CSMD1: variants seen among roughly 807,000 people sequenced by gnomAD.
The protein encoded by CSMD1 is CUB and Sushi multiple domains 1.
CSMD1 carries 213 observed loss-of-function variants against 417.5 expected under a neutral mutation model. That is an observed-to-expected ratio of 0.51 (90% CI 0.46 to 0.57). The LOEUF (loss-of-function observed/expected upper bound fraction) is 0.57. CSMD1 is among the 20% of genes least tolerant of loss of function. The pLI is 0.00. For missense variants in CSMD1, 6,923 were observed against 4,529.7 expected, an observed-to-expected ratio of 1.53 and a Z score of -15.17; for synonymous variants, 2,862 against 1,736.8, an observed-to-expected ratio of 1.65 and a Z score of -16.11.
intron 3 of CSMD1, among the ~76,000 whole-genome samples, chr8:4,288,997 C>A (rs1371438889): frequency 6.6e-6 from 1 of 152,080 alleles, no homozygotes; most frequent in Non-Finnish European, 1.5e-5. Flanking sequence ...TTTAAAAACA[C>A]AGCACCATCT....
chr8:4,207,817 A>C (rs867586329), intron 3 of CSMD1, among the ~76,000 whole-genome samples: 1 of 152,290 alleles, frequency 6.6e-6, no homozygotes, highest in South Asian at 2.1e-4. Context: ...AATTATGTTG[A>C]AACAGATGCA....
chr8:4,028,988 T>A (rs1014676970), intron 4 of CSMD1, among the ~76,000 whole-genome samples: 2 of 152,194 alleles, frequency 1.3e-5, no homozygotes, highest in African/African-American at 4.8e-5. Flanking sequence ...GGAATTCTCA[T>A]CTTGCTCTGA....
At chr8:3,529,835 C>T (rs1363872755) in intron 10 of CSMD1, among the ~76,000 whole-genome samples, 4 of 152,096 alleles carry the variant, frequency 2.6e-5, no homozygotes, top group African/African-American at 9.7e-5. Flanking sequence ...ATCTGTAAGC[C>T]TACATTTTCT....
At chr8:4,110,352 G>A (rs1289826657) in intron 3 of CSMD1, among the ~76,000 whole-genome samples, 1 of 152,058 alleles carries the variant, frequency 6.6e-6, no homozygotes, top group African/African-American at 2.4e-5. Context: ...TTCAGCCTAT[G>A]GATATGTATG....
intron 26 of CSMD1, among the ~76,000 whole-genome samples, chr8:3,281,198 T>G (rs1018458276): frequency 9.9e-5 from 15 of 152,200 alleles, no homozygotes; most frequent in Admixed American, 5.9e-4. Context: ...ATCCCAGCAC[T>G]TTGGGAGGCT....
intron 5 of CSMD1, among the ~76,000 whole-genome samples, chr8:3,891,142 G>A (rs1806944170): frequency 6.6e-6 from 1 of 151,446 alleles, no homozygotes; most frequent in African/African-American, 2.4e-5. Flanking sequence ...TCCACCTCTT[G>A]GGCTTAAGTG....
intron 3 of CSMD1, among the ~76,000 whole-genome samples, chr8:4,268,614 G>T (rs1804372650): frequency 6.6e-6 from 1 of 152,044 alleles, no homozygotes; most frequent in Non-Finnish European, 1.5e-5. Flanking sequence ...GTAGCTATGG[G>T]ATTACAGTCA....
At chr8:3,692,878 G>C (rs966206961) in intron 7 of CSMD1, among the ~76,000 whole-genome samples, 2 of 152,082 alleles carry the variant, frequency 1.3e-5, no homozygotes, top group Admixed American at 1.3e-4. Context: ...TATTCTAATG[G>C]TACTTTGATC....
At chr8:3,105,795 A>T (rs1279247520) in intron 46 of CSMD1, among the ~76,000 whole-genome samples, 1 of 152,260 alleles carries the variant, frequency 6.6e-6, no homozygotes, top group East Asian at 1.9e-4. Context: ...ATGCATCAAA[A>T]ATATAGCGTA....
chr8:3,729,375 G>C (rs538313920), intron 6 of CSMD1, among the ~76,000 whole-genome samples: 1 of 152,110 alleles, frequency 6.6e-6, no homozygotes, highest in Non-Finnish European at 1.5e-5. Flanking sequence ...CACTCGCCTT[G>C]GGCTCAGTTG....
chr8:4,159,066 C>T (rs1190233633), intron 3 of CSMD1, among the ~76,000 whole-genome samples: 2 of 152,088 alleles, frequency 1.3e-5, no homozygotes, highest in African/African-American at 4.8e-5. Context: ...CAGGCTTGCA[C>T]CACCAGGCCC....
intron 3 of CSMD1, among the ~76,000 whole-genome samples, chr8:4,058,899 C>A (rs1437908758): frequency 6.6e-6 from 1 of 151,994 alleles, no homozygotes; most frequent in Non-Finnish European, 1.5e-5. Flanking sequence ...AGAAAGTTAA[C>A]AAGGATACCC....
intron 1 of CSMD1, among the ~76,000 whole-genome samples, chr8:4,858,204 A>G (rs1206656342): frequency 6.7e-6 from 1 of 148,916 alleles, no homozygotes; most frequent in Non-Finnish European, 1.5e-5. Flanking sequence ...GCCTTTGACA[A>G]AATTCAACAA....
In CSMD1 at chr8:3,430,982, G is replaced by A. The variant is rs115425494; in HGVS notation, c.1562-21377C>T. Among the ~76,000 whole-genome samples, 1,166 of 152,226 alleles carry A rather than the reference G, an allele frequency of 7.7e-3. 12 individuals are homozygous for A. The highest frequency in any genetic ancestry group is 0.026 in the African/African-American group (1,089 of 41,518). On this transcript the variant is annotated intron_variant, in intron 12 of 69. Transcript: ENST00000635120. ...CAGTTCGGTCTTTTCTCACTGCATT[G>A]TCTGAGCCCTTAAATCTCTCTTCTT...
At chr8:3,514,005 T>C (rs1797185986) in intron 10 of CSMD1, among the ~76,000 whole-genome samples, 2 of 152,210 alleles carry the variant, frequency 1.3e-5, no homozygotes, top group South Asian at 2.1e-4. Context: ...GCCTTCTTTT[T>C]ATCGTACAGA....
intron 2 of CSMD1, among the ~76,000 whole-genome samples, chr8:4,514,757 G>C (rs186614732): frequency 2.6e-5 from 4 of 152,244 alleles, no homozygotes; most frequent in African/African-American, 9.6e-5. Context: ...GTGAACAGTG[G>C]AGAATAAAGA....
chr8:3,063,644 C>A (rs1812736444), intron 49 of CSMD1, among the ~76,000 whole-genome samples: 1 of 152,152 alleles, frequency 6.6e-6, no homozygotes, highest in Non-Finnish European at 1.5e-5. Flanking sequence ...GGTTATTACT[C>A]AGTCTTAAAA....
intron 3 of CSMD1, among the ~76,000 whole-genome samples, chr8:4,128,771 C>T (rs559552020): frequency 2.0e-5 from 3 of 152,140 alleles, no homozygotes; most frequent in African/African-American, 4.8e-5. Flanking sequence ...ACCCACACAC[C>T]ATCAACTCAT....
intron 5 of CSMD1, among the ~76,000 whole-genome samples, chr8:3,951,707 G>A (rs1289081559): frequency 6.6e-6 from 1 of 152,012 alleles, no homozygotes; most frequent in Admixed American, 6.6e-5. Context: ...TTTAAAATGA[G>A]ACTTCATGGG....
Sources: allele counts gnomAD v4.1 joint callset (sites outside exome capture counted in the v4.1 genomes callset), GRCh38; gene constraint gnomAD v4.1.1; transcripts MANE v1.5; gene names NCBI Gene and HGNC (gene_info 2026-07-23, HGNC 2026-07-21).